Variants in MPP3 observed in about 807,000 individuals in gnomAD.
MPP3 encodes the protein MAGUK p55 scaffold protein 3.
A neutral mutation model predicts 80.7 loss-of-function variants in MPP3; 48 were observed. That is an observed-to-expected ratio of 0.59 (90% CI 0.47 to 0.76). MPP3 has a LOEUF of 0.76. MPP3 is among the 30% of genes least tolerant of loss of function. MPP3 has a pLI of 0.00. For missense variants in MPP3, 620 were observed against 763.0 expected (o/e 0.81, Z 2.21); for synonymous variants, 311 against 297.6 (o/e 1.04, Z -0.46).
chr17:43,808,897 C>T (rs560125126), intron 19 of MPP3, 59 bp downstream of exon 19: 8 of 1,553,938 alleles, frequency 5.1e-6, no homozygotes, highest in African/African-American at 1.4e-5. Flanking sequence ...CAGCTAGAAG[C>T]GTTCCTGTAA....
chr17:43,814,116 C>A, intron 15 of MPP3, 25 bp from the exon 16 acceptor site: 1 of 1,606,256 alleles, frequency 6.2e-7, no homozygotes, highest in Non-Finnish European at 8.5e-7. Flanking sequence ...GAAGGCTGAC[C>A]AGGGTCCCTG....
chr17:43,830,135 AT>A, intron 5 of MPP3, 28 bp from the exon 6 acceptor site: 2 of 1,487,498 alleles, frequency 1.3e-6, no homozygotes. Context: ...GGCGCCACTG[AT>A]GGCTAGAGGT....
At chr17:43,806,720 T>C (rs1222961289) in intron 19 of MPP3, among the ~76,000 whole-genome samples, 1 of 151,384 alleles carries the variant, frequency 6.6e-6, no homozygotes, top group Non-Finnish European at 1.5e-5. Flanking sequence ...GCAATTCTCC[T>C]GCCTCAGCCT....
chr17:43,807,047 C>A (rs1055992615), intron 19 of MPP3, among the ~76,000 whole-genome samples: 4 of 151,744 alleles, frequency 2.6e-5, no homozygotes, highest in Non-Finnish European at 5.9e-5. Context: ...TTTTGGCTCA[C>A]TGCAGGCTCT....
chr17:43,807,387 C>CTGCA (rs1407879875), intron 19 of MPP3, among the ~76,000 whole-genome samples: 1 of 151,394 alleles, frequency 6.6e-6, no homozygotes, highest in Non-Finnish European at 1.5e-5. Flanking sequence ...TCATGGCTCA[C>CTGCA]TGCAGCCTTG....
At position 43,831,331 on chromosome 17, in the gene MPP3, C is replaced by CT. The variant is rs1567832227; in HGVS notation, c.145-11_145-10insA. ...GAAGCTTCTCATGAATCTGCAAAGA[C>CT]AGAGTATTTCAGATGCACCCTGGAC... is the stretch of plus-strand genomic sequence containing the variant. On this transcript the variant is annotated splice_polypyrimidine_tract_variant and intron_variant, in intron 4 of 19. Transcript: ENST00000398389. 6.2e-7 allele frequency: 1 copy of CT among 1,613,336 alleles called. No individual in the cohort carries two copies. Among genetic ancestry groups the CT allele is most frequent in the South Asian group, 1.1e-5 (1 of 91,072 alleles).
intron 16 of MPP3, among the ~76,000 whole-genome samples, chr17:43,812,539 C>A (rs2044912720): frequency 6.6e-6 from 1 of 152,224 alleles, no homozygotes; most frequent in Non-Finnish European, 1.5e-5. Flanking sequence ...TCCCTTTGCA[C>A]ATGTTGTTTC....
At chr17:43,829,555 TCA>T in intron 7 of MPP3, 97 bp downstream of exon 7, 1 of 1,425,010 alleles carries the variant, frequency 7.0e-7, no homozygotes, top group Non-Finnish European at 9.5e-7. Flanking sequence ...CTGCCGTCAC[TCA>T]CTCTGAAGAC....
intron 12 of MPP3, 148 bp from the exon 13 acceptor site, chr17:43,816,845 G>A: frequency 1.4e-6 from 1 of 738,212 alleles, no homozygotes; most frequent in South Asian, 1.6e-5. Context: ...TCTGAGCTGT[G>A]GTACGTTATT....
intron 19 of MPP3, among the ~76,000 whole-genome samples, chr17:43,807,429 C>T (rs2044666684): frequency 6.6e-6 from 1 of 150,658 alleles, no homozygotes; most frequent in Admixed American, 6.6e-5. Context: ...CTCCCACTCC[C>T]ACCTCAGTCT....
intron 12 of MPP3, 159 bp downstream of exon 12, chr17:43,817,887 A>C (rs1598344699): frequency 8.1e-4 from 185 of 229,704 alleles, no homozygotes; most frequent in East Asian, 2.5e-3. Flanking sequence ...GCTGCCCCCC[A>C]CCTCCTACTT....
chr17:43,820,893 C>T lies in MPP3; in HGVS notation c.850G>A (p.Gly284Ser), dbSNP rs1316029895. The change falls in exon 11 of 20, where the codon GGC becomes AGC. Residue 284 changes from glycine to serine, a missense_variant. By Grantham distance (56) the Gly-to-Ser change is moderately conservative. Coordinates refer to ENST00000398389, the MANE Select transcript of MPP3 (RefSeq NM_001932.6). ...TGGAACCCCTTGGAGGGGATGAGGC[C>T]GGCTCGAAGGTTGGTGTCCCCGACT... ...KRVGDTNLRAGLIPSKGFQER... is the reference protein window; with the variant it reads ...KRVGDTNLRASLIPSKGFQER... 16 of 1,614,044 alleles carry T rather than the reference C, an allele frequency of 9.9e-6. No individual in the cohort carries two copies. In the Admixed American group the frequency reaches 1.5e-4, roughly 15 times the overall value.
At chr17:43,814,591 T>G in intron 14 of MPP3, 1 of 436,042 alleles carries the variant, frequency 2.3e-6, no homozygotes, top group Non-Finnish European at 4.1e-6. Context: ...TTACTTGGCA[T>G]GTGACTGACC....
chr17:43,826,446 ATT>A (rs1414285121), intron 8 of MPP3, among the ~76,000 whole-genome samples: 4 of 152,234 alleles, frequency 2.6e-5, no homozygotes, highest in Admixed American at 6.5e-5. Context: ...ATCAGTCTGC[ATT>A]TTAACAAGAT....
At chr17:43,821,119 T>C in intron 10 of MPP3, 61 bp from the exon 11 acceptor site, 2 of 1,541,804 alleles carry the variant, frequency 1.3e-6, no homozygotes, top group Non-Finnish European at 1.8e-6. Flanking sequence ...CAGGTCATTG[T>C]CACATCAAAG....
At chr17:43,802,439 T>G (rs902104400) in intron 19 of MPP3, among the ~76,000 whole-genome samples, 1 of 152,158 alleles carries the variant, frequency 6.6e-6, no homozygotes, top group African/African-American at 2.4e-5. Context: ...AGCCAAACAC[T>G]AGCACAGCAA....
chr17:43,806,408 C>G (rs1242238695), intron 19 of MPP3, among the ~76,000 whole-genome samples: 1 of 152,074 alleles, frequency 6.6e-6, no homozygotes, highest in Admixed American at 6.6e-5. Context: ...TCTGATGATC[C>G]ACCCACCTCA....
chr17:43,811,153 A>G lies in MPP3; in HGVS notation c.1308T>C (p.Phe436=). 2 of 1,614,228 alleles carry G rather than the reference A, an allele frequency of 1.2e-6. No homozygotes were observed. Among genetic ancestry groups the G allele is most frequent in the Non-Finnish European group, 1.7e-6 (2 of 1,180,028 alleles). The part of the protein sequence containing the change: ...SHEKEGVEYH[F]VSKQAFEADL... ...CGGCCTCAAATGCTTGCTTAGACACAAAGTGATATTCCACTCCTTCCTTCT... is the reference window on the plus strand; with the variant it reads ...CGGCCTCAAATGCTTGCTTAGACACGAAGTGATATTCCACTCCTTCCTTCT... Residue 436 remains phenylalanine, a synonymous_variant, in exon 17 of 20, where the codon TTT becomes TTC. Transcript: ENST00000398389.
At position 43,809,251 on chromosome 17, in the gene MPP3, C is replaced by T. The variant is rs559389294; in HGVS notation, c.1459-173G>A. ...ACTGGGCAGACCAACTGCTCCTTTTCTCATCCTTCACTTTGACGTTGAACT... is the reference window on the plus strand; with the variant it reads ...ACTGGGCAGACCAACTGCTCCTTTTTTCATCCTTCACTTTGACGTTGAACT... On this transcript the variant is annotated intron_variant, in intron 18 of 19. Coordinates refer to ENST00000398389, the MANE Select transcript of MPP3 (RefSeq NM_001932.6). Among the ~76,000 whole-genome samples the T allele has an allele frequency of 2.3e-3, 350 of 152,324 alleles. 2 individuals are homozygous for T. The highest frequency in any genetic ancestry group is 8.1e-3 in the African/African-American group (337 of 41,564).
Sources: gnomAD v4.1 joint callset for allele counts (sites outside exome capture counted in the v4.1 genomes callset) on GRCh38, gnomAD v4.1.1 for gene constraint, MANE v1.5 for transcripts, NCBI Gene and HGNC (gene_info 2026-07-23, HGNC 2026-07-21) for gene names.